Variants in AFDN observed in about 807,000 individuals in gnomAD.
AFDN encodes afadin, adherens junction formation factor, also known as afadin.
In AFDN, 68 loss-of-function variants were observed where a neutral mutation model predicts 216.6. The ratio of observed to expected loss-of-function variants is 0.31; its 90% CI spans 0.26 to 0.38. The LOEUF (loss-of-function observed/expected upper bound fraction) is 0.38. Ranked by LOEUF, AFDN falls within the 10% of genes least tolerant of loss-of-function variation. The pLI, the probability that AFDN is intolerant of heterozygous loss-of-function variation, is 1.00. For missense variants in AFDN, 2,136 were observed against 2,342.0 expected, an observed-to-expected ratio of 0.91 and a Z score of 1.82; for synonymous variants, 868 against 853.7, an observed-to-expected ratio of 1.02 and a Z score of -0.29.
chr6:167,871,713 C>A (rs774686692), intron 3 of AFDN, among the ~76,000 whole-genome samples: 4 of 152,328 alleles, frequency 2.6e-5, no homozygotes, highest in African/African-American at 9.6e-5. Context: ...ATAATACTTA[C>A]AACAGTTTCA....
chr6:167,965,786 C>T lies in AFDN; in HGVS notation c.4998C>T (p.Arg1666=), dbSNP rs1291181486. The stretch of plus-strand genomic sequence containing the variant: ...GACAGGAAGAAGGGTATTACAGCCG[C>T]CTGGAAGCCGAGAGGCGCAGACAGC... ...KRRQEEGYYS[R]LEAERRRQHD... Residue 1666 remains arginine (R), a synonymous_variant, in exon 32 of 34, where the codon CGC becomes CGT. Coordinates refer to ENST00000683244, the MANE Select transcript of AFDN (RefSeq NM_001386888.1). The T allele has an allele frequency of 6.4e-7, 1 of 1,559,796 alleles. No homozygotes were observed. The highest frequency in any genetic ancestry group is 2.3e-5 in the East Asian group (1 of 43,162).
At chr6:167,924,121 G>T (rs1216852805) in intron 22 of AFDN, among the ~76,000 whole-genome samples, 2 of 151,796 alleles carry the variant, frequency 1.3e-5, no homozygotes, top group African/African-American at 4.8e-5. Context: ...TAATTCTAAT[G>T]TCAACTAATT....
chr6:167,874,027 T>G (rs1039721156), intron 4 of AFDN, among the ~76,000 whole-genome samples: 1 of 152,200 alleles, frequency 6.6e-6, no homozygotes, highest in Non-Finnish European at 1.5e-5. Context: ...TTAAATGCAG[T>G]TATGCAAGAG....
chr6:167,859,450 A>G (rs1783288619), intron 1 of AFDN, among the ~76,000 whole-genome samples: 9 of 152,192 alleles, frequency 5.9e-5, no homozygotes, highest in Admixed American at 5.9e-4. Flanking sequence ...AGTTTCCTCC[A>G]TGGGGAGTAG....
intron 1 of AFDN, among the ~76,000 whole-genome samples, chr6:167,851,673 A>T (rs1419606777): frequency 1.3e-5 from 2 of 152,198 alleles, no homozygotes; most frequent in African/African-American, 4.8e-5. Flanking sequence ...AGTGTTTGGC[A>T]CAGATTCATG....
intron 6 of AFDN, among the ~76,000 whole-genome samples, chr6:167,885,754 C>T (rs1786715769): frequency 6.6e-6 from 1 of 152,240 alleles, no homozygotes; most frequent in Non-Finnish European, 1.5e-5. Flanking sequence ...CGCAGGCTTG[C>T]CGCAAACCTT....
At position 167,915,193 on chromosome 6, in the gene AFDN, A is replaced by G; in HGVS notation, c.2325A>G (p.Gly775=). The change falls in exon 19 of 34, where the codon GGA becomes GGG. Residue 775 remains glycine (G), a synonymous_variant. Transcript: ENST00000683244. The stretch of plus-strand genomic sequence containing the variant: ...ATGATGTGCTGCACACGCTCACAGG[A>G]GCCATGTCCTTGCTACGACGCTGCA... ...KIDDVLHTLT[G]AMSLLRRCRV... 6.2e-7 allele frequency: 1 copy of G among 1,614,194 alleles called. No individual in the cohort carries two copies. The highest frequency in any genetic ancestry group is 1.7e-4 in the Middle Eastern group (1 of 6,044).
chr6:167,871,940 G>A (rs574479550), intron 3 of AFDN, among the ~76,000 whole-genome samples: 72 of 152,174 alleles, frequency 4.7e-4, no homozygotes, highest in African/African-American at 1.7e-3. Context: ...TTGTTTCTTA[G>A]CTTGCTTGCT....
In AFDN at chr6:167,942,071, G is replaced by T. The variant is rs956653452; in HGVS notation, c.3100-1058G>T. Among the ~76,000 whole-genome samples the T allele has an allele frequency of 8.0e-5, 12 of 149,124 alleles. No individual in the cohort carries two copies. The South Asian group carries it at 2.3e-3, about 28-fold the overall frequency. ...GACCTGCTACAGGCGTTTTGTTTTGGTTTGGTTTGGTTTGGTTTGGTTTGT... is the reference window on the plus strand; with the variant it reads ...GACCTGCTACAGGCGTTTTGTTTTGTTTTGGTTTGGTTTGGTTTGGTTTGT... On this transcript the variant is annotated intron_variant, in intron 23 of 33. Transcript: ENST00000683244.
intron 9 of AFDN, among the ~76,000 whole-genome samples, chr6:167,894,642 T>C (rs1232233832): frequency 6.6e-6 from 1 of 152,218 alleles, no homozygotes; most frequent in Non-Finnish European, 1.5e-5. Context: ...TTTCCTATTA[T>C]TACTGTGAAG....
At chr6:167,832,144 T>A (rs933985197) in intron 1 of AFDN, among the ~76,000 whole-genome samples, 20 of 152,218 alleles carry the variant, frequency 1.3e-4, no homozygotes, top group African/African-American at 4.1e-4. Context: ...AGAGATCAAA[T>A]GTATCTGTCT....
intron 21 of AFDN, among the ~76,000 whole-genome samples, chr6:167,922,119 T>C (rs1410291423): frequency 1.3e-5 from 2 of 152,180 alleles, no homozygotes; most frequent in African/African-American, 4.8e-5. Context: ...GTACCGAGGA[T>C]TGTTCAGGGC....
Position 167,951,674 on chromosome 6 carries a change from G to A in AFDN, c.4320G>A (p.Lys1440=), listed in dbSNP as rs747728854. ...GCCTGGAGGAGGAGCGGGAGAGGAA[G>A]CGGAGAGAGCAGGAGAGGAAGTTGG... ...KARLEEERER[K]RREQERKLGQ... The change falls in exon 30 of 34, where the codon AAG becomes AAA. Residue 1440 remains lysine, a synonymous_variant. Coordinates refer to ENST00000683244, the MANE Select transcript of AFDN (RefSeq NM_001386888.1). This position sits in a 1 kb window ranked among gnomAD's most constrained non-coding sequence, Gnocchi z 7.1. 1.6e-5 allele frequency: 26 copies of A among 1,614,018 alleles called. No individual in the cohort carries two copies. In the East Asian group the frequency reaches 4.9e-4, roughly 30 times the overall value.
intron 5 of AFDN, 36 bp downstream of exon 5, chr6:167,875,531 A>G: frequency 6.2e-7 from 1 of 1,604,338 alleles, no homozygotes; most frequent in Non-Finnish European, 8.5e-7. Flanking sequence ...TCTACCTGTT[A>G]CAAAGAGCAT....
chr6:167,964,034 A>T, intron 31 of AFDN: 1 of 1,064,474 alleles, frequency 9.4e-7, no homozygotes, highest in Non-Finnish European at 1.1e-6. Flanking sequence ...TCACGGCAGC[A>T]CAGTGCACAT....
At chr6:167,838,071 T>C (rs1780646752) in intron 1 of AFDN, among the ~76,000 whole-genome samples, 1 of 152,240 alleles carries the variant, frequency 6.6e-6, no homozygotes, top group African/African-American at 2.4e-5. Context: ...AGATTCTGTG[T>C]TTTGTAGCCA....
At chr6:167,848,454 A>T (rs1343483374) in intron 1 of AFDN, among the ~76,000 whole-genome samples, 1 of 152,184 alleles carries the variant, frequency 6.6e-6, no homozygotes, top group Non-Finnish European at 1.5e-5. Context: ...ACAGCTTTGC[A>T]TTATTCTGTT....
rs540637301 is a variant in AFDN at position 167,908,347 on chromosome 6, T to C, written c.1769+1058T>C. On this transcript the variant is annotated intron_variant, in intron 13 of 33. Coordinates refer to ENST00000683244, the MANE Select transcript of AFDN (RefSeq NM_001386888.1). ...TGTAGACTCATAAGGGAATCCCAGG[T>C]TTTAACTTTATTTTTATTGTGGATT... is the stretch of plus-strand genomic sequence containing the variant. Among the ~76,000 whole-genome samples the C allele has an allele frequency of 3.5e-4, 53 of 152,080 alleles. 1 individual carries two copies. The South Asian group carries it at 0.011, about 31-fold the overall frequency.
intron 1 of AFDN, among the ~76,000 whole-genome samples, chr6:167,836,716 T>C (rs2128108660): frequency 6.6e-6 from 1 of 152,340 alleles, no homozygotes; most frequent in South Asian, 2.1e-4. Context: ...AATTTAATTG[T>C]TATAGATAGC....
Sources: gnomAD v4.1 joint callset for allele counts (sites outside exome capture counted in the v4.1 genomes callset) on GRCh38, gnomAD v4.1.1 for gene constraint, Gnocchi (gnomAD v3.1) non-coding constraint, MANE v1.5 for transcripts, NCBI Gene and HGNC (gene_info 2026-07-23, HGNC 2026-07-21) for gene names.